The following CNTN4 variants were observed in gnomAD, a reference collection of about 807,000 sequenced individuals.
CNTN4 encodes the protein contactin 4, also known as contactin-4.
A neutral mutation model predicts 122.5 loss-of-function variants in CNTN4; 77 were observed. That is an observed-to-expected ratio of 0.63 (90% CI 0.52 to 0.76). The LOEUF (loss-of-function observed/expected upper bound fraction) is 0.76, where lower values mean the gene tolerates loss of function less well. CNTN4 is among the 30% of genes least tolerant of loss of function. CNTN4 has a pLI of 0.00. For synonymous variants in CNTN4, 512 were observed against 447.0 expected, an observed-to-expected ratio of 1.15 and a Z score of -1.83; for missense variants, 1,256 against 1,259.1, an observed-to-expected ratio of 1.00 and a Z score of 0.04.
intron 2 of CNTN4, among the ~76,000 whole-genome samples, chr3:2,159,597 G>C (rs914371699): frequency 6.6e-6 from 1 of 152,106 alleles, no homozygotes; most frequent in African/African-American, 2.4e-5. Context: ...TGGATTATCT[G>C]TCTGTCAAGC....
intron 4 of CNTN4, among the ~76,000 whole-genome samples, chr3:2,669,485 C>T (rs1274345360): frequency 6.6e-6 from 1 of 151,964 alleles, no homozygotes; most frequent in Non-Finnish European, 1.5e-5. Flanking sequence ...TCTCTCTTTT[C>T]TTCTTTATTA....
chr3:2,250,084 A>G (rs1452904988), intron 2 of CNTN4, among the ~76,000 whole-genome samples: 5 of 151,952 alleles, frequency 3.3e-5, no homozygotes, highest in Non-Finnish European at 5.9e-5. Flanking sequence ...GGTCTCATAT[A>G]GAGAAGATGG....
chr3:3,014,117 G>C (rs1050558142), intron 14 of CNTN4, among the ~76,000 whole-genome samples: 2 of 151,138 alleles, frequency 1.3e-5, no homozygotes, highest in African/African-American at 2.4e-5. Flanking sequence ...TTTAATTCAA[G>C]AAACTAACAC....
intron 2 of CNTN4, among the ~76,000 whole-genome samples, chr3:2,296,429 C>T (rs1477468145): frequency 1.3e-5 from 2 of 152,000 alleles, no homozygotes; most frequent in African/African-American, 4.8e-5. Flanking sequence ...ATTTTATTCT[C>T]TTTGAAGCAA....
intron 7 of CNTN4, among the ~76,000 whole-genome samples, chr3:2,837,696 G>A (rs1400177925): frequency 1.3e-5 from 2 of 152,154 alleles, no homozygotes; most frequent in Non-Finnish European, 2.9e-5. Context: ...AGTTGACACA[G>A]CTTCTATTTT....
At chr3:2,781,667 G>T (rs2091571256) in intron 6 of CNTN4, among the ~76,000 whole-genome samples, 1 of 149,474 alleles carries the variant, frequency 6.7e-6, no homozygotes. Context: ...TATTCCTCCA[G>T]AAAGGCAGGA....
At chr3:2,564,055 T>C (rs139562500) in intron 3 of CNTN4, among the ~76,000 whole-genome samples, 2 of 152,164 alleles carry the variant, frequency 1.3e-5, no homozygotes, top group African/African-American at 4.8e-5. Context: ...TGGGAATGAT[T>C]AAGAGAGTTG....
chr3:2,817,602 A>G (rs11925391), intron 6 of CNTN4, among the ~76,000 whole-genome samples: 13,295 of 152,176 alleles, frequency 0.087, 1,936 homozygotes, highest in African/African-American at 0.3. Context: ...CATTGCCCAT[A>G]TTTCTCATTT....
chr3:2,469,247 C>T (rs946006549), intron 3 of CNTN4, among the ~76,000 whole-genome samples: 1 of 152,182 alleles, frequency 6.6e-6, no homozygotes, highest in African/African-American at 2.4e-5. Context: ...TTACTTAATT[C>T]TTTGCCTCTT....
At chr3:3,009,409 A>G (rs1024123657) in intron 14 of CNTN4, among the ~76,000 whole-genome samples, 2 of 152,038 alleles carry the variant, frequency 1.3e-5, no homozygotes. Context: ...TCAATATCTA[A>G]TATTTCTCTG....
intron 2 of CNTN4, among the ~76,000 whole-genome samples, chr3:2,155,290 C>T (rs944541961): frequency 8.5e-5 from 13 of 152,232 alleles, no homozygotes; most frequent in Admixed American, 4.6e-4. Context: ...GACCTCTTAC[C>T]TTCTGATTGC....
chr3:2,555,878 C>T (rs1433440402), intron 3 of CNTN4, among the ~76,000 whole-genome samples: 1 of 152,164 alleles, frequency 6.6e-6, no homozygotes, highest in Admixed American at 6.6e-5. Flanking sequence ...GAGGGGCACA[C>T]TGCTCAGAAG....
intron 2 of CNTN4, among the ~76,000 whole-genome samples, chr3:2,177,389 A>G (rs1441414756): frequency 6.6e-6 from 1 of 152,066 alleles, no homozygotes; most frequent in Non-Finnish European, 1.5e-5. Flanking sequence ...GACCCATCAG[A>G]AATACTACTG....
chr3:2,214,682 C>T (rs934885347), intron 2 of CNTN4, among the ~76,000 whole-genome samples: 1 of 152,134 alleles, frequency 6.6e-6, no homozygotes, highest in Non-Finnish European at 1.5e-5. Context: ...TCCACTCAAT[C>T]TCTTGAAATC....
At chr3:2,427,224 C>T (rs1296806529) in intron 3 of CNTN4, among the ~76,000 whole-genome samples, 1 of 152,130 alleles carries the variant, frequency 6.6e-6, no homozygotes, top group African/African-American at 2.4e-5. Flanking sequence ...TATAAATTTC[C>T]CTCTACACAC....
At chr3:2,528,247 G>T (rs990318208) in intron 3 of CNTN4, among the ~76,000 whole-genome samples, 1 of 151,982 alleles carries the variant, frequency 6.6e-6, no homozygotes, top group African/African-American at 2.4e-5. Context: ...ATTCTTTGTT[G>T]TATTTCAGAA....
chr3:2,318,300 G>T (rs1056666865), intron 2 of CNTN4, among the ~76,000 whole-genome samples: 1 of 150,626 alleles, frequency 6.6e-6, no homozygotes, highest in African/African-American at 2.4e-5. Flanking sequence ...TATAGGAAAA[G>T]ATATATAATA....
At chr3:2,805,974 T>C (rs1239998860) in intron 6 of CNTN4, among the ~76,000 whole-genome samples, 2 of 152,126 alleles carry the variant, frequency 1.3e-5, no homozygotes, top group Non-Finnish European at 2.9e-5. Flanking sequence ...AGATGTCGGC[T>C]CACTGCAAGC....
chr3:2,551,735 C>T (rs35939487), intron 3 of CNTN4, among the ~76,000 whole-genome samples: 2 of 152,004 alleles, frequency 1.3e-5, no homozygotes, highest in African/African-American at 4.8e-5. Flanking sequence ...TGTTTATCAT[C>T]AATGCTTTTA....
Sources: gnomAD v4.1 joint callset for allele counts (sites outside exome capture counted in the v4.1 genomes callset) on GRCh38, gnomAD v4.1.1 for gene constraint, MANE v1.5 for transcripts, NCBI Gene and HGNC (gene_info 2026-07-23, HGNC 2026-07-21) for gene names.